FMNL2: variants seen among roughly 807,000 people sequenced by gnomAD.
FMNL2 encodes formin like 2, also known as formin-like protein 2.
In FMNL2, 51 loss-of-function variants were observed where a neutral mutation model predicts 130.2. The ratio of observed to expected loss-of-function variants is 0.39; its 90% CI spans 0.31 to 0.49. FMNL2 has a LOEUF of 0.49. FMNL2 is among the 20% of genes least tolerant of loss of function. The pLI, the probability that FMNL2 is intolerant of heterozygous loss-of-function variation, is 0.85. For synonymous variants in FMNL2, 465 were observed against 467.1 expected (o/e 1.00, Z 0.06); for missense variants, 977 against 1,316.2 (o/e 0.74, Z 3.99).
rs1290123384 is a variant in FMNL2 at position 152,628,512 on chromosome 2, A to T, written c.2379A>T (p.Glu793Asp). The change falls in exon 18 of 26, where the codon GAA becomes GAT. Residue 793 changes from glutamate to aspartate, a missense_variant. Around this residue, in one of 4 missense-constraint regions of FMNL2, gnomAD observed 689 missense variants for 995.9 expected, o/e 0.69. Coordinates refer to ENST00000288670, the MANE Select transcript of FMNL2 (RefSeq NM_052905.4). ...TIMAFIGNFA[E>D]SIQMLTPQLH... The stretch of plus-strand genomic sequence containing the variant: ...TGGCCTTCATTGGGAACTTTGCTGA[A>T]AGCATTCAGATGCTGACTCCTGTGA... 1 of 1,614,006 alleles carries T rather than the reference A, an allele frequency of 6.2e-7. No individual in the cohort carries two copies. The highest frequency in any genetic ancestry group is 1.1e-5 in the South Asian group (1 of 91,084).
At chr2:152,447,101 C>CTT (rs113492784) in intron 1 of FMNL2, among the ~76,000 whole-genome samples, 2 of 143,778 alleles carry the variant, frequency 1.4e-5, no homozygotes, top group Admixed American at 6.9e-5. Flanking sequence ...AATAAACTCA[C>CTT]TTTTTTTTTT....
At chr2:152,607,304 G>C in intron 9 of FMNL2, 35 bp from the exon 10 acceptor site, 1 of 1,583,154 alleles carries the variant, frequency 6.3e-7, no homozygotes, top group Non-Finnish European at 8.7e-7. Context: ...TTTATGTTTA[G>C]AAAGTCACAT....
intron 1 of FMNL2, 43 bp downstream of exon 1, chr2:152,335,763 G>A (rs754169091): frequency 7.1e-7 from 1 of 1,417,334 alleles, no homozygotes; most frequent in Non-Finnish European, 9.4e-7. Context: ...CCGGGGCCCC[G>A]GGCCGGGCGG....
At chr2:152,343,387 C>T (rs939274713) in intron 1 of FMNL2, among the ~76,000 whole-genome samples, 1 of 152,172 alleles carries the variant, frequency 6.6e-6, no homozygotes, top group Admixed American at 6.5e-5. Context: ...CCTCTGCCTC[C>T]TGGGTTCAAG....
chr2:152,556,009 GT>G (rs1277721456), intron 4 of FMNL2, among the ~76,000 whole-genome samples: 1 of 152,076 alleles, frequency 6.6e-6, no homozygotes, highest in African/African-American at 2.4e-5. Context: ...AAAGTTGCCC[GT>G]TTTTATCTTT....
chr2:152,451,775 G>A (rs1489267448), intron 1 of FMNL2, among the ~76,000 whole-genome samples: 2 of 152,112 alleles, frequency 1.3e-5, no homozygotes, highest in East Asian at 1.9e-4. Flanking sequence ...ACTTTTGAGT[G>A]GAAGAAGTAC....
At chr2:152,639,044 C>T (rs759884397) in intron 23 of FMNL2, among the ~76,000 whole-genome samples, 2 of 42,824 alleles carry the variant, frequency 4.7e-5, no homozygotes, top group Non-Finnish European at 1.2e-4. Context: ...TTCCACCTCA[C>T]TGTTCCTCCC....
At chr2:152,400,990 C>A (rs187932795) in intron 1 of FMNL2, among the ~76,000 whole-genome samples, 1 of 152,308 alleles carries the variant, frequency 6.6e-6, no homozygotes, top group East Asian at 1.9e-4. Context: ...CATTTGGCTG[C>A]AAGGAGTATG....
At chr2:152,548,964 C>T in intron 3 of FMNL2, 57 bp from the exon 4 acceptor site, 10 of 1,293,606 alleles carry the variant, frequency 7.7e-6, no homozygotes, top group Non-Finnish European at 9.6e-6. Context: ...TATAACTAAG[C>T]TTCAGTTATA....
chr2:152,633,986 C>T (rs1335294566), intron 21 of FMNL2, among the ~76,000 whole-genome samples: 1 of 152,194 alleles, frequency 6.6e-6, no homozygotes, highest in Non-Finnish European at 1.5e-5. Flanking sequence ...GAGTGCCCTC[C>T]ATGTACTTGG....
At position 152,618,295 on chromosome 2, in the gene FMNL2, C is replaced by T. The variant is rs974416081; in HGVS notation, c.1315-551C>T. On this transcript the variant is annotated intron_variant, in intron 13 of 25. Coordinates refer to ENST00000288670, the MANE Select transcript of FMNL2 (RefSeq NM_052905.4). Reference sequence around the variant, plus strand: ...ACCGATGGGAAAATGTTACAACAATCGCTATCCTGAGCTTGGTCAAGGGGG... The same window carrying T: ...ACCGATGGGAAAATGTTACAACAATTGCTATCCTGAGCTTGGTCAAGGGGG... Among the ~76,000 whole-genome samples the T allele has an allele frequency of 1.1e-4, 17 of 152,300 alleles. 2 individuals carry two copies. The Middle Eastern group carries it at 0.01, about 91-fold the overall frequency.
intron 17 of FMNL2, 137 bp downstream of exon 17, chr2:152,626,864 C>T (rs1371200725): frequency 1.1e-6 from 1 of 872,024 alleles, no homozygotes; most frequent in African/African-American, 1.7e-5. Flanking sequence ...GATATCCACA[C>T]TTGAGAGATC....
intron 6 of FMNL2, among the ~76,000 whole-genome samples, chr2:152,572,750 A>C (rs542816486): frequency 2.0e-4 from 31 of 152,112 alleles, no homozygotes; most frequent in Admixed American, 6.5e-4. Context: ...TCTCCAAAAA[A>C]TACATGGTAT....
At chr2:152,415,463 C>T (rs1221656895) in intron 1 of FMNL2, among the ~76,000 whole-genome samples, 1 of 152,210 alleles carries the variant, frequency 6.6e-6, no homozygotes, top group African/African-American at 2.4e-5. Context: ...TTTCCTAAAG[C>T]TGTTTTTGAA....
intron 8 of FMNL2, among the ~76,000 whole-genome samples, chr2:152,579,749 C>T (rs998491275): frequency 6.6e-5 from 10 of 152,136 alleles, no homozygotes; most frequent in African/African-American, 2.2e-4. Context: ...ATGCAGATTT[C>T]CTTTCATATT....
intron 13 of FMNL2, among the ~76,000 whole-genome samples, chr2:152,617,406 T>G (rs1033487029): frequency 1.4e-4 from 21 of 152,238 alleles, no homozygotes; most frequent in African/African-American, 5.1e-4. Flanking sequence ...GGGTTCAGTA[T>G]TTCCTTATCA....
At position 152,397,049 on chromosome 2, in the gene FMNL2, T is replaced by C. The variant is rs535303317; in HGVS notation, c.117+61329T>C. Among the ~76,000 whole-genome samples, 6 of 152,334 alleles carry C rather than the reference T, an allele frequency of 3.9e-5. 1 individual carries two copies. The South Asian group carries it at 1.2e-3, about 32-fold the overall frequency. ...CAGAAGATGTTGTCATCCTTTAAAA[T>C]TGCAATTAGCATTATTGTAAAATTC... is the stretch of plus-strand genomic sequence containing the variant. On this transcript the variant is annotated intron_variant, in intron 1 of 25. Transcript: ENST00000288670.
At chr2:152,556,411 A>G (rs540043577) in intron 4 of FMNL2, among the ~76,000 whole-genome samples, 28 of 152,338 alleles carry the variant, frequency 1.8e-4, no homozygotes, top group Admixed American at 1.6e-3. Context: ...GGAGGTAGGC[A>G]GCAGGCTGTT....
At chr2:152,574,165 C>T (rs1016037528) in intron 6 of FMNL2, among the ~76,000 whole-genome samples, 9 of 152,192 alleles carry the variant, frequency 5.9e-5, no homozygotes, top group East Asian at 1.9e-4. Flanking sequence ...AGGCTGGGCA[C>T]GGTGGCTAAC....
Sources: gnomAD v4.1 joint callset for allele counts (sites outside exome capture counted in the v4.1 genomes callset) on GRCh38, gnomAD v4.1.1 for gene constraint, gnomAD v4.1.1 regional missense constraint, MANE v1.5 for transcripts, NCBI Gene and HGNC (gene_info 2026-07-23, HGNC 2026-07-21) for gene names.